CCDC85A: variants seen among roughly 807,000 people sequenced by gnomAD.
CCDC85A encodes coiled-coil domain-containing protein 85A.
Under a neutral mutation model 50.2 loss-of-function variants are expected in CCDC85A, and 38 were observed. That is an observed-to-expected ratio of 0.76 (90% CI 0.58 to 0.99). The LOEUF (loss-of-function observed/expected upper bound fraction) is 0.99. Among genes scored for constraint, CCDC85A ranks in the 50% least tolerant of loss-of-function variants. The pLI, the probability that CCDC85A is intolerant of heterozygous loss-of-function variation, is 0.00. For missense variants in CCDC85A, 820 were observed against 742.0 expected (o/e 1.11, Z -1.22); for synonymous variants, 366 against 301.4 (o/e 1.21, Z -2.22).
chr2:56,213,941 T>G (rs1273939413), intron 2 of CCDC85A, among the ~76,000 whole-genome samples: 4 of 151,776 alleles, frequency 2.6e-5, no homozygotes, highest in Admixed American at 6.6e-5. Flanking sequence ...AGGTATACAG[T>G]CAACAGCACG....
At position 56,303,039 on chromosome 2, in the gene CCDC85A, C is replaced by CAGTG. The variant is rs200948452; in HGVS notation, c.1241-39839_1241-39836dup. On this transcript the variant is annotated intron_variant, in intron 2 of 5. Coordinates refer to ENST00000407595, the MANE Select transcript of CCDC85A (RefSeq NM_001080433.2). The stretch of plus-strand genomic sequence containing the variant: ...GAGCCAGGTTTCTGGATCCCCAAGC[C>CAGTG]AGTGCTTCTTCTCTTTATACACTGT... 5.0e-3 allele frequency among the ~76,000 whole-genome samples: 760 copies of CAGTG among 152,272 alleles called. 6 individuals carry two copies. The highest frequency in any genetic ancestry group is 0.017 in the African/African-American group (702 of 41,560).
chr2:56,335,769 T>G (rs1674041975), intron 2 of CCDC85A, among the ~76,000 whole-genome samples: 2 of 151,944 alleles, frequency 1.3e-5, no homozygotes, highest in Non-Finnish European at 2.9e-5. Context: ...GCCAGGCTAA[T>G]TTTTGTATCT....
Position 56,184,008 on chromosome 2 carries a change from C to A in CCDC85A, c.-617C>A. Reference sequence around the variant, plus strand: ...TCCACCCCTTCTCGACTCCGCTCTGCAAATCGAAGGCTTTCCGGAGCAGCC... The same window carrying A: ...TCCACCCCTTCTCGACTCCGCTCTGAAAATCGAAGGCTTTCCGGAGCAGCC... On this transcript the variant is annotated 5_prime_UTR_variant, in exon 1 of 6. Coordinates refer to ENST00000407595, the MANE Select transcript of CCDC85A (RefSeq NM_001080433.2). The A allele has an allele frequency of 1.0e-6, 1 of 985,588 alleles. No individual in the cohort carries two copies. Among genetic ancestry groups the A allele is most frequent in the Non-Finnish European group, 1.2e-6 (1 of 830,096 alleles). The allele number at this position is 985,588 out of a possible 1,614,324, so 61.1% of individuals were successfully genotyped here. A position where few individuals can be genotyped will look rare whatever the true frequency, so the allele number is the denominator to read the frequency against.
intron 2 of CCDC85A, among the ~76,000 whole-genome samples, chr2:56,275,414 A>C (rs562679997): frequency 1.3e-5 from 2 of 152,252 alleles, no homozygotes; most frequent in East Asian, 3.9e-4. Context: ...TATGAAATAG[A>C]TCATCACTGC....
chr2:56,372,318 T>C (rs1173951183), intron 3 of CCDC85A, 26 bp from the exon 4 acceptor site: 9 of 1,507,854 alleles, frequency 6.0e-6, no homozygotes, highest in Non-Finnish European at 7.1e-6. Flanking sequence ...TTCTGAGTGA[T>C]TGTACCATAT....
intron 2 of CCDC85A, among the ~76,000 whole-genome samples, chr2:56,276,563 T>C (rs1046272031): frequency 2.4e-4 from 36 of 152,128 alleles, no homozygotes; most frequent in Middle Eastern, 3.2e-3. Context: ...TTAGCTTGGC[T>C]CTCATTCTCT....
chr2:56,188,477 C>T (rs1395294873), intron 1 of CCDC85A, among the ~76,000 whole-genome samples: 20 of 152,134 alleles, frequency 1.3e-4, no homozygotes, highest in Admixed American at 1.2e-3. Context: ...CTTTCCAGCT[C>T]TAGAGAAATC....
intron 2 of CCDC85A, among the ~76,000 whole-genome samples, chr2:56,250,574 G>A (rs1669709984): frequency 1.3e-5 from 2 of 152,158 alleles, no homozygotes; most frequent in Non-Finnish European, 2.9e-5. Context: ...AGAATAGGAG[G>A]AGACAAGGGC....
intron 2 of CCDC85A, among the ~76,000 whole-genome samples, chr2:56,216,714 G>T: frequency 2.1e-5 from 3 of 145,586 alleles, no homozygotes; most frequent in African/African-American, 7.6e-5. Context: ...TTTTTTATTT[G>T]AACTTTGCCA....
intron 2 of CCDC85A, among the ~76,000 whole-genome samples, chr2:56,219,361 C>G (rs1042746892): frequency 6.6e-6 from 1 of 151,348 alleles, no homozygotes; most frequent in Admixed American, 6.6e-5. Context: ...GAACAATAAA[C>G]AAGACAGCAT....
Position 56,192,427 on chromosome 2 carries a change from T to C in CCDC85A, c.277-50T>C. The C allele has an allele frequency of 6.5e-7, 1 of 1,542,172 alleles. No individual in the cohort carries two copies. The highest frequency in any genetic ancestry group is 8.7e-7 in the Non-Finnish European group (1 of 1,144,414). On this transcript the variant is annotated intron_variant, in intron 1 of 5. Transcript: ENST00000407595. This position sits in a 1 kb window ranked among gnomAD's most constrained non-coding sequence, Gnocchi z 4.7. ...CCCTTTCCAGGAAGTCTGAGCCTGC[T>C]GACACCTCAGATGTGTACTTCCCTT...
At chr2:56,315,476 C>G (rs968613962) in intron 2 of CCDC85A, among the ~76,000 whole-genome samples, 4 of 152,018 alleles carry the variant, frequency 2.6e-5, no homozygotes, top group Non-Finnish European at 5.9e-5. Context: ...GCAGTTTTTA[C>G]CATGAGAGTA....
intron 2 of CCDC85A, among the ~76,000 whole-genome samples, chr2:56,211,887 T>G (rs1437884136): frequency 6.6e-6 from 1 of 152,054 alleles, no homozygotes; most frequent in Non-Finnish European, 1.5e-5. Flanking sequence ...AACGGTTCTC[T>G]GTTTTAGAGC....
At chr2:56,332,576 A>C (rs1673863908) in intron 2 of CCDC85A, among the ~76,000 whole-genome samples, 1 of 151,810 alleles carries the variant, frequency 6.6e-6, no homozygotes, top group South Asian at 2.1e-4. Context: ...GGGACACAAC[A>C]CTCAGGCCAT....
intron 2 of CCDC85A, among the ~76,000 whole-genome samples, chr2:56,303,013 C>T (rs1036372694): frequency 6.6e-6 from 1 of 152,164 alleles, no homozygotes; most frequent in Admixed American, 6.5e-5. Flanking sequence ...TGAAGCAGGT[C>T]GAGCCAGGTT....
chr2:56,326,077 T>A (rs931723439), intron 2 of CCDC85A, among the ~76,000 whole-genome samples: 1 of 152,148 alleles, frequency 6.6e-6, no homozygotes, highest in East Asian at 1.9e-4. Context: ...GAAACTTGCT[T>A]AATTTGGCCT....
At chr2:56,367,336 C>A (rs771169005) in intron 3 of CCDC85A, among the ~76,000 whole-genome samples, 1 of 152,064 alleles carries the variant, frequency 6.6e-6, no homozygotes, top group South Asian at 2.1e-4. Flanking sequence ...ATGTGGCTGC[C>A]TTTATACTTA....
chr2:56,337,262 A>T (rs1674119768), intron 2 of CCDC85A, among the ~76,000 whole-genome samples: 1 of 152,152 alleles, frequency 6.6e-6, no homozygotes, highest in Admixed American at 6.5e-5. Flanking sequence ...TGGGCCTGAG[A>T]TTCACCCAAA....
chr2:56,197,373 T>C (rs1211291559), intron 2 of CCDC85A, among the ~76,000 whole-genome samples: 1 of 152,162 alleles, frequency 6.6e-6, no homozygotes. Context: ...GTTCCAGGGT[T>C]GCGGGGGGTT....
Sources: gnomAD v4.1 joint callset for allele counts (sites outside exome capture counted in the v4.1 genomes callset) on GRCh38, gnomAD v4.1.1 for gene constraint, Gnocchi (gnomAD v3.1) non-coding constraint, MANE v1.5 for transcripts, NCBI Gene and HGNC (gene_info 2026-07-23, HGNC 2026-07-21) for gene names.